Variants in MST1R observed in about 807,000 individuals in gnomAD.
The protein encoded by MST1R is macrophage-stimulating protein receptor.
A neutral mutation model predicts 117.8 loss-of-function variants in MST1R; 99 were observed. That is an observed-to-expected ratio of 0.84 (90% CI 0.71 to 0.99). MST1R has a LOEUF of 0.99. Ranked by LOEUF, MST1R falls within the 50% of genes least tolerant of loss-of-function variation. MST1R has a pLI of 0.00. For synonymous variants in MST1R, 734 were observed against 765.3 expected, an observed-to-expected ratio of 0.96 and a Z score of 0.68; for missense variants, 1,683 against 1,840.2, an observed-to-expected ratio of 0.91 and a Z score of 1.56.
rs78829582 is a variant in MST1R at position 49,898,031 on chromosome 3, G to C, written c.1880+20C>G. 8 of 1,614,030 alleles carry C rather than the reference G, an allele frequency of 5.0e-6. No individual in the cohort carries two copies. In the East Asian group the frequency reaches 1.8e-4, roughly 36 times the overall value. ...TGGTTTCCCCCTTCAGGGAAAGGGA[G>C]GGGAGGGACCAGATTGTACCTGAGT... is the stretch of plus-strand genomic sequence containing the variant. On this transcript the variant is annotated intron_variant, in intron 5 of 19. Transcript: ENST00000296474.
Position 49,901,922 on chromosome 3 carries a change from C to CGTG in MST1R, c.1230+455_1230+457dup, listed in dbSNP as rs948267520. Among the ~76,000 whole-genome samples the CGTG allele has an allele frequency of 2.0e-3, 90 of 44,864 alleles. 1 individual carries two copies. The South Asian group carries it at 0.023, about 11-fold the overall frequency. 29.4% of individuals were successfully genotyped at this position (44,864 alleles called of 152,430 possible). On this transcript the variant is annotated intron_variant, in intron 1 of 19. Coordinates refer to ENST00000296474, the MANE Select transcript of MST1R (RefSeq NM_002447.4). ...GTGAGCATCTCCCTGTGTATTTGTG[C>CGTG]GTGGTGGTGGTGGTGGTGGCGGGGG...
chr3:49,891,166 T>C, intron 17 of MST1R, 31 bp downstream of exon 17: 1 of 1,601,686 alleles, frequency 6.2e-7, no homozygotes. Flanking sequence ...CCCTGTCCTT[T>C]TGCTTCACCC....
At position 49,887,199 on chromosome 3, in the gene MST1R, T is replaced by C; in HGVS notation, c.*108A>G. 3.4e-6 allele frequency: 5 copies of C among 1,484,958 alleles called. No homozygotes were observed. Among genetic ancestry groups the C allele is most frequent in the Non-Finnish European group, 3.6e-6 (4 of 1,096,442 alleles). The allele number at this position is 1,484,958 out of a possible 1,614,324, so 92.0% of individuals were successfully genotyped here. On this transcript the variant is annotated 3_prime_UTR_variant, in exon 20 of 20. Coordinates refer to ENST00000296474, the MANE Select transcript of MST1R (RefSeq NM_002447.4). ...CCATTTACCTATTGCCTCTGAAAGT[T>C]AAAGGGCAGGAACAAGGTGGAGGGC... is the stretch of plus-strand genomic sequence containing the variant.
chr3:49,900,565 G>A (rs2108488666), intron 1 of MST1R, among the ~76,000 whole-genome samples: 1 of 152,320 alleles, frequency 6.6e-6, no homozygotes, highest in Non-Finnish European at 1.5e-5. Context: ...ATGTGGAGCT[G>A]AGCCTCGAAA....
At chr3:49,898,815 G>C (rs372900079) in intron 3 of MST1R, 52 bp downstream of exon 3, 2 of 1,611,596 alleles carry the variant, frequency 1.2e-6, no homozygotes, top group Non-Finnish European at 1.7e-6. Context: ...ATTGGATGGA[G>C]AGTCTGTGAT....
chr3:49,897,886 G>T, intron 5 of MST1R, 165 bp downstream of exon 5: 2 of 1,149,374 alleles, frequency 1.7e-6, no homozygotes, highest in Non-Finnish European at 2.5e-6. Flanking sequence ...GCACATGAAA[G>T]CTCAAAAAGG....
At position 49,903,007 on chromosome 3, in the gene MST1R, G is replaced by A. The variant is rs964859370; in HGVS notation, c.603C>T (p.Ser201=). 5 of 1,612,920 alleles carry A rather than the reference G, an allele frequency of 3.1e-6. No individual in the cohort carries two copies. The African/African-American group carries it at 6.7e-5, about 22-fold the overall frequency. ...QGQASYFYVA[S]SLDAAVAASF... ...TGGCAGCCACGGCTGCGTCCAGTGA[G>A]GATGCCACGTAGAAATAGGAGGCCT... The change falls in exon 1 of 20, where the codon TCC becomes TCT. Residue 201 remains serine, a synonymous_variant. Transcript: ENST00000296474.
rs531433657 is a variant in MST1R at position 49,899,191 on chromosome 3, G to T, written c.1303C>A (p.Arg435Ser). The part of the protein sequence containing the change: ...FPLLVSSSFS[R>S]VDLFNGLLGP... ...AACAGCCCATTGAATAGGTCCACACGTGAGAAGCTGCTACTGACCAGCAGA... is the reference window on the plus strand; with the variant it reads ...AACAGCCCATTGAATAGGTCCACACTTGAGAAGCTGCTACTGACCAGCAGA... The change falls in exon 2 of 20, where the codon CGT becomes AGT. Residue 435 changes from arginine to serine, a missense_variant. Arg to Ser is a moderately radical substitution (Grantham distance 110). Coordinates refer to ENST00000296474, the MANE Select transcript of MST1R (RefSeq NM_002447.4). 4 of 1,614,168 alleles carry T rather than the reference G, an allele frequency of 2.5e-6. No individual in the cohort carries two copies. The South Asian group carries it at 3.3e-5, about 13-fold the overall frequency.
chr3:49,902,688 GC>G lies in MST1R; in HGVS notation c.921del (p.Arg307SerfsTer31), dbSNP rs752297356. ...VLDCRFAPKR[R>X]RRGAPEGGQP... ...TGTCCGCCTTCTGGGGCCCCCCGGC[GC>G]CTGCGTTTTGGAGCAAATCTGCAGT... On this transcript the variant is annotated frameshift_variant, in exon 1 of 20. Coordinates refer to ENST00000296474, the MANE Select transcript of MST1R (RefSeq NM_002447.4). LOFTEE classifies it high-confidence loss of function. The G allele has an allele frequency of 6.2e-7, 1 of 1,613,390 alleles. No homozygotes were observed. The highest frequency in any genetic ancestry group is 1.1e-5 in the South Asian group (1 of 91,090).
chr3:49,903,155 C>T lies in MST1R; in HGVS notation c.455G>A (p.Gly152Glu). 6.2e-7 allele frequency: 1 copy of T among 1,604,480 alleles called. No individual in the cohort carries two copies. The highest frequency in any genetic ancestry group is 8.5e-7 in the Non-Finnish European group (1 of 1,179,996). Residue 152 changes from glycine (G) to glutamate (E), a missense_variant, in exon 1 of 20, where the codon GGG becomes GAG. Gly to Glu is a moderately conservative substitution (Grantham distance 98). Transcript: ENST00000296474. ...RCFLHDLEPQ[G>E]TAVHLAAPAC... ...TGGCGCTGCCAGATGCACGGCTGTC[C>T]CTTGGGGCTCTAGGTCATGCAGGAA...
rs55968312 is a variant in MST1R at position 49,890,602 on chromosome 3, G to T, written c.3693C>A (p.Arg1231=). The T allele has an allele frequency of 1.2e-6, 2 of 1,614,040 alleles. No homozygotes were observed. The highest frequency in any genetic ancestry group is 1.7e-5 in the Admixed American group (1 of 60,012). Residue 1231 remains arginine, a synonymous_variant, in exon 18 of 20, where the codon CGC becomes CGA. Transcript: ENST00000296474. ...TVKVADFGLA[R]DILDREYYSV... is the part of the protein sequence containing the mutation. ...TATAGTACTCCCTGTCCAGGATGTC[G>T]CGGGCCAAACCAAAGTCAGCCACCT...
chr3:49,898,262 G>A (rs760403993), intron 4 of MST1R, 51 bp from the exon 5 acceptor site: 1 of 1,599,304 alleles, frequency 6.3e-7, no homozygotes, highest in Non-Finnish European at 8.6e-7. Context: ...GGCTCTCTCA[G>A]CCCCACCTGC....
chr3:49,890,643 C>T lies in MST1R; in HGVS notation c.3652G>A (p.Glu1218Lys), dbSNP rs748976824. ...DLAARNCMLD[E>K]SFTVKVADFG... The stretch of plus-strand genomic sequence containing the variant: ...TCAGCCACCTTGACTGTGAATGACT[C>T]GTCCAGCCTTAGGGGTAGGGAGAGG... Residue 1218 changes from glutamate to lysine, a missense_variant, in exon 18 of 20, where the codon GAG becomes AAG. Physicochemically the swap from Glu to Lys is moderately conservative, Grantham distance 56 (BLOSUM62 1). Coordinates refer to ENST00000296474, the MANE Select transcript of MST1R (RefSeq NM_002447.4). 16 of 1,610,980 alleles carry T rather than the reference C, an allele frequency of 9.9e-6. No individual in the cohort carries two copies. Among genetic ancestry groups the T allele is most frequent in the South Asian group, 8.8e-5 (8 of 90,730 alleles).
chr3:49,889,802 C>T lies in MST1R; in HGVS notation c.3947+122G>A, dbSNP rs920262370. 41 of 1,223,502 alleles carry T rather than the reference C, an allele frequency of 3.4e-5. No individual in the cohort carries two copies. In the African/African-American group the frequency reaches 3.6e-4, roughly 11 times the overall value. The allele number at this position is 1,223,502 out of a possible 1,614,324, so 75.8% of individuals were successfully genotyped here. ...CACAGATGAGGAAATTGAGGCCCAG[C>T]GAGAGTCCCTTTCCTAGTCAACCAG... On this transcript the variant is annotated intron_variant, in intron 19 of 19. Transcript: ENST00000296474.
intron 19 of MST1R, among the ~76,000 whole-genome samples, chr3:49,887,971 AAGCCTGGGTCC>A: frequency 6.6e-6 from 1 of 152,354 alleles, no homozygotes; most frequent in East Asian, 1.9e-4. Flanking sequence ...TCCAGGAAGG[AAGCCTGGGTCC>A]AGCAAAGCAG....
Position 49,897,648 on chromosome 3 carries a change from A to T in MST1R, c.1918T>A (p.Cys640Ser). ...PRKDFVEEFECELEPLGTQAV... is the reference protein window; with the variant it reads ...PRKDFVEEFESELEPLGTQAV... ...TGGGTGCCCAAGGGCTCCAGTTCAC[A>T]CTCAAACTCCTCTACAAAGTCTTTC... is the stretch of plus-strand genomic sequence containing the variant. Residue 640 changes from cysteine (C) to serine (S), a missense_variant, in exon 6 of 20, where the codon TGT becomes AGT. Coordinates refer to ENST00000296474, the MANE Select transcript of MST1R (RefSeq NM_002447.4). 6.2e-7 allele frequency: 1 copy of T among 1,613,992 alleles called. No individual in the cohort carries two copies. Among genetic ancestry groups the T allele is most frequent in the Non-Finnish European group, 8.5e-7 (1 of 1,179,958 alleles).
In MST1R at chr3:49,903,614, G is replaced by A. The variant is rs1412929479; in HGVS notation, c.-5C>T. ...CAGCGGCGGGAGGAGCTCCATCGAG[G>A]CGAGCTGGGACCCTAGAGGATCCCT... is the stretch of plus-strand genomic sequence containing the variant. On this transcript the variant is annotated 5_prime_UTR_variant, in exon 1 of 20. Transcript: ENST00000296474. 39 of 1,554,948 alleles carry A rather than the reference G, an allele frequency of 2.5e-5. No individual in the cohort carries two copies. The highest frequency in any genetic ancestry group is 3.3e-5 in the Non-Finnish European group (38 of 1,156,802).
rs1276882293 is a variant in MST1R at position 49,902,546 on chromosome 3, TC to T, written c.1063del (p.Asp355MetfsTer23). ...GTTGGGGCCCACGCCAGGACCACCA[TC>T]CTTGCCAGTCACAAAGACCCCAAAT... is the stretch of plus-strand genomic sequence containing the variant. ...VLFGVFVTGK[D>X]GGPGVGPNSV... On this transcript the variant is annotated frameshift_variant, in exon 1 of 20. Transcript: ENST00000296474. LOFTEE classifies it high-confidence loss of function. 1 of 1,613,860 alleles carries T rather than the reference TC, an allele frequency of 6.2e-7. No homozygotes were observed. The highest frequency in any genetic ancestry group is 1.3e-5 in the African/African-American group (1 of 74,938).
At position 49,897,278 on chromosome 3, in the gene MST1R, A is replaced by G. The variant is rs2082508559; in HGVS notation, c.2183+2T>C. 1 of 1,599,740 alleles carries G rather than the reference A, an allele frequency of 6.3e-7. No individual in the cohort carries two copies. The highest frequency in any genetic ancestry group is 8.5e-7 in the Non-Finnish European group (1 of 1,172,344). On this transcript the variant is annotated splice_donor_variant, in intron 7 of 19. Coordinates refer to ENST00000296474, the MANE Select transcript of MST1R (RefSeq NM_002447.4). LOFTEE classifies it high-confidence loss of function. The stretch of plus-strand genomic sequence containing the variant: ...CTCCCATGCCTGCCTGGTGGTACTT[A>G]CCGTGCTAGCAGACACTCAGTCCCA...
Sources: gnomAD v4.1 joint callset for allele counts (sites outside exome capture counted in the v4.1 genomes callset) on GRCh38, gnomAD v4.1.1 for gene constraint, MANE v1.5 for transcripts, NCBI Gene and HGNC (gene_info 2026-07-23, HGNC 2026-07-21) for gene names.